Variants in SNX13 observed in about 807,000 individuals in gnomAD.
SNX13 encodes sorting nexin-13.
In SNX13, 45 loss-of-function variants were observed where a neutral mutation model predicts 133.6. The observed-to-expected ratio is 0.34, with a 90% confidence interval of 0.27 to 0.43. SNX13 has a LOEUF of 0.43. SNX13 is among the 20% of genes least tolerant of loss of function. The pLI, the probability that SNX13 is intolerant of heterozygous loss-of-function variation, is 1.00. For synonymous variants in SNX13, 414 were observed against 373.9 expected (o/e 1.11, Z -1.24); for missense variants, 1,032 against 1,145.1 (o/e 0.90, Z 1.43).
chr7:17,893,461 A>G, intron 2 of SNX13, 27 bp from the exon 3 acceptor site: 1 of 1,365,946 alleles, frequency 7.3e-7, no homozygotes, highest in Non-Finnish European at 1.0e-6. Context: ...AATCACAAAT[A>G]TAAAAACAAA....
intron 20 of SNX13, among the ~76,000 whole-genome samples, chr7:17,805,211 T>TGTGTGTGTGTGTGTGTGTGTGTG (rs756302031): frequency 8.4e-6 from 1 of 118,492 alleles, no homozygotes; most frequent in African/African-American, 3.4e-5. Context: ...TAATGATTCT[T>TGTGTGTGTGTGTGTGTGTGTGTG]TGTGTGTGTG....
intron 1 of SNX13, among the ~76,000 whole-genome samples, chr7:17,937,360 T>A (rs942900520): frequency 6.6e-6 from 1 of 151,884 alleles, no homozygotes; most frequent in African/African-American, 2.4e-5. Context: ...ATTAGAGATA[T>A]ATTTTTGGCC....
intron 9 of SNX13, among the ~76,000 whole-genome samples, chr7:17,856,948 G>C (rs1298765236): frequency 6.6e-6 from 1 of 151,812 alleles, no homozygotes; most frequent in Non-Finnish European, 1.5e-5. Flanking sequence ...AAAAGATTGA[G>C]TTGAAAAGTG....
Position 17,794,010 on chromosome 7 carries a change from G to T in SNX13, c.*35C>A. On this transcript the variant is annotated 3_prime_UTR_variant, in exon 26 of 26. Coordinates refer to ENST00000428135, the MANE Select transcript of SNX13 (RefSeq NM_015132.5). ...AAGATCTGTCCATACCATTAGTCCTGGACAAAATGAACACCAGCTTCATAG... is the reference window on the plus strand; with the variant it reads ...AAGATCTGTCCATACCATTAGTCCTTGACAAAATGAACACCAGCTTCATAG... 2 of 1,603,836 alleles carry T rather than the reference G, an allele frequency of 1.2e-6. No individual in the cohort carries two copies. The highest frequency in any genetic ancestry group is 8.5e-7 in the Non-Finnish European group (1 of 1,174,434).
rs1450011499 is a variant in SNX13 at position 17,850,858 on chromosome 7, T to C, written c.944A>G (p.Gln315Arg). The C allele has an allele frequency of 2.5e-6, 4 of 1,610,476 alleles. No individual in the cohort carries two copies. The highest frequency in any genetic ancestry group is 2.5e-6 in the Non-Finnish European group (3 of 1,178,576). The change falls in exon 10 of 26, where the codon CAG becomes CGG. Residue 315 changes from glutamine (Q) to arginine (R), a missense_variant. Coordinates refer to ENST00000428135, the MANE Select transcript of SNX13 (RefSeq NM_015132.5). ...AVRDKAAEELQYLRSLDTAGD... is the reference protein window; with the variant it reads ...AVRDKAAEELRYLRSLDTAGD... ...AGCTGTATCTAGAGATCTAAGATAC[T>C]GTAATTCTTCTGCTGCCTTATCTCT...
At chr7:17,929,823 T>C (rs1801189039) in intron 1 of SNX13, among the ~76,000 whole-genome samples, 3 of 152,214 alleles carry the variant, frequency 2.0e-5, no homozygotes, top group African/African-American at 7.2e-5. Flanking sequence ...TCCCTTTGTA[T>C]TTCCTCCCGA....
chr7:17,830,803 T>C (rs1489285884), intron 15 of SNX13: 2 of 983,096 alleles, frequency 2.0e-6, no homozygotes, highest in Admixed American at 6.2e-5. Context: ...GCAATATTCA[T>C]ACACAGTTTA....
Position 17,821,570 on chromosome 7 carries a change from A to G in SNX13, c.1784T>C (p.Met595Thr), listed in dbSNP as rs895897397. Residue 595 changes from methionine to threonine, a missense_variant, in exon 18 of 26, where the codon ATG (methionine) becomes ACG (threonine). By Grantham distance (81) the Met-to-Thr change is moderately conservative. Coordinates refer to ENST00000428135, the MANE Select transcript of SNX13 (RefSeq NM_015132.5). Reference protein sequence around the residue: ...VHRRNLNSEEMWKTYRRYSDF... With the variant: ...VHRRNLNSEETWKTYRRYSDF... ...ACTATAACGACGATAGGTTTTCCACATCTCCTCACTGTTTAGGTTGCGCCG... is the reference window on the plus strand; with the variant it reads ...ACTATAACGACGATAGGTTTTCCACGTCTCCTCACTGTTTAGGTTGCGCCG... 1 of 1,613,722 alleles carries G rather than the reference A, an allele frequency of 6.2e-7. No individual in the cohort carries two copies. Among genetic ancestry groups the G allele is most frequent in the Non-Finnish European group, 8.5e-7 (1 of 1,179,720 alleles).
At chr7:17,800,239 A>G (rs1784469161) in intron 22 of SNX13, among the ~76,000 whole-genome samples, 1 of 151,840 alleles carries the variant, frequency 6.6e-6, no homozygotes, top group Non-Finnish European at 1.5e-5. Flanking sequence ...AAACATCCTA[A>G]AATAATCTTG....
At chr7:17,927,308 T>A (rs1039312668) in intron 1 of SNX13, among the ~76,000 whole-genome samples, 1 of 151,758 alleles carries the variant, frequency 6.6e-6, no homozygotes, top group Non-Finnish European at 1.5e-5. Flanking sequence ...AGTGATGCGA[T>A]CATAGCTCAC....
chr7:17,903,011 T>C (rs758027219), intron 1 of SNX13, among the ~76,000 whole-genome samples: 7 of 152,028 alleles, frequency 4.6e-5, no homozygotes, highest in African/African-American at 1.4e-4. Flanking sequence ...CATGGAAAAA[T>C]TGTCTTCCAT....
At chr7:17,891,964 C>CT (rs1406713169) in intron 3 of SNX13, among the ~76,000 whole-genome samples, 1 of 152,078 alleles carries the variant, frequency 6.6e-6, no homozygotes, top group Non-Finnish European at 1.5e-5. Context: ...ACTGTCTTTA[C>CT]TGGACACTCT....
chr7:17,866,113 AG>A (rs1233472261), intron 9 of SNX13, among the ~76,000 whole-genome samples: 2 of 152,180 alleles, frequency 1.3e-5, no homozygotes, highest in African/African-American at 4.8e-5. Context: ...TCAAAAGCAT[AG>A]GGAACCAAAG....
intron 1 of SNX13, among the ~76,000 whole-genome samples, chr7:17,916,756 C>T (rs1042791417): frequency 2.0e-5 from 3 of 151,894 alleles, no homozygotes; most frequent in Non-Finnish European, 4.4e-5. Context: ...AGTAACAATC[C>T]TACTGAAACT....
intron 1 of SNX13, among the ~76,000 whole-genome samples, chr7:17,918,023 C>T (rs763181037): frequency 2.6e-5 from 4 of 151,984 alleles, no homozygotes; most frequent in Non-Finnish European, 4.4e-5. Context: ...AACTGACCTT[C>T]GACAACATCG....
Position 17,936,547 on chromosome 7 carries a change from C to CA in SNX13, c.12+3736dup, listed in dbSNP as rs537887073. Reference sequence around the variant, plus strand: ...AACACGTTGATAACTGGTTTCCATGCAAAAACAACCTCCAAAGTATGCCAC... The same window carrying CA: ...AACACGTTGATAACTGGTTTCCATGCAAAAAACAACCTCCAAAGTATGCCAC... On this transcript the variant is annotated intron_variant, in intron 1 of 25. Transcript: ENST00000428135. Among the ~76,000 whole-genome samples the CA allele has an allele frequency of 1.6e-3, 247 of 152,254 alleles. 3 individuals carry two copies. Among genetic ancestry groups the CA allele is most frequent in the African/African-American group, 5.5e-3 (229 of 41,556 alleles).
At chr7:17,814,432 A>G (rs139335854) in intron 20 of SNX13, among the ~76,000 whole-genome samples, 295 of 152,154 alleles carry the variant, frequency 1.9e-3, no homozygotes, top group African/African-American at 6.7e-3. Flanking sequence ...TATTTAAAAT[A>G]TTTTATATAA....
At chr7:17,805,831 C>T (rs1370189531) in intron 20 of SNX13, among the ~76,000 whole-genome samples, 1 of 151,810 alleles carries the variant, frequency 6.6e-6, no homozygotes, top group Non-Finnish European at 1.5e-5. Flanking sequence ...GTTTGTTTTC[C>T]CCACCAAAAG....
chr7:17,854,407 G>C (rs1442056648), intron 9 of SNX13, among the ~76,000 whole-genome samples: 1 of 152,102 alleles, frequency 6.6e-6, no homozygotes, highest in African/African-American at 2.4e-5. Flanking sequence ...CAATAAAACA[G>C]AATACAGGAA....
Sources: gnomAD v4.1 joint callset for allele counts (sites outside exome capture counted in the v4.1 genomes callset) on GRCh38, gnomAD v4.1.1 for gene constraint, MANE v1.5 for transcripts, NCBI Gene and HGNC (gene_info 2026-07-23, HGNC 2026-07-21) for gene names.